The following IQSEC3 variants were observed in gnomAD, a reference collection of about 807,000 sequenced individuals.
IQSEC3 encodes the protein IQ motif and Sec7 domain ArfGEF 3, also known as IQ motif and SEC7 domain-containing protein 3.
IQSEC3 carries 50 observed loss-of-function variants against 105.4 expected under a neutral mutation model. The ratio of observed to expected loss-of-function variants is 0.47; its 90% CI spans 0.38 to 0.60. The LOEUF is 0.60. Among genes scored for constraint, IQSEC3 ranks in the 20% least tolerant of loss-of-function variants. The pLI is 0.00. For missense variants in IQSEC3, 1,415 were observed against 1,630.0 expected (o/e 0.87, Z 2.27); for synonymous variants, 708 against 746.0 (o/e 0.95, Z 0.83).
At chr12:70,442 C>T (rs1208246754) in intron 1 of IQSEC3, among the ~76,000 whole-genome samples, 3 of 152,256 alleles carry the variant, frequency 2.0e-5, no homozygotes, top group Admixed American at 1.3e-4. Flanking sequence ...GGAAGAAAAA[C>T]ATTTGAAGGG....
At chr12:124,389 C>CAAAAAA (rs55767927) in intron 2 of IQSEC3, among the ~76,000 whole-genome samples, 1 of 124,928 alleles carries the variant, frequency 8.0e-6, no homozygotes, top group Admixed American at 8.3e-5. Flanking sequence ...AACTCCATCT[C>CAAAAAA]AAAAAAAAAA....
chr12:138,550 C>G lies in IQSEC3; in HGVS notation c.1187C>G (p.Thr396Ser), dbSNP rs1290137028. ...SLPPTFAGTL[T>S]ELEDSFTEQV... ...CCGCCCACCTTCGCAGGCACCCTCA[C>G]CGAGCTGGAGGACTCCTTCACCGAG... The change falls in exon 4 of 14, where the codon ACC becomes AGC. Residue 396 changes from threonine (T) to serine (S), a missense_variant. Physicochemically the swap from Thr to Ser is moderately conservative, Grantham distance 58 (BLOSUM62 1). This residue lies in a region of IQSEC3 where 720 missense variants were observed against 633.0 expected (regional missense o/e 1.14). Transcript: ENST00000538872. This position sits in a 1 kb window ranked among gnomAD's most constrained non-coding sequence, Gnocchi z 7.1. 7.0e-6 allele frequency: 11 copies of G among 1,581,554 alleles called. No individual in the cohort carries two copies. The highest frequency in any genetic ancestry group is 9.4e-6 in the Non-Finnish European group (11 of 1,171,126).
intron 13 of IQSEC3, among the ~76,000 whole-genome samples, chr12:172,466 A>G (rs1209129068): frequency 1.3e-5 from 2 of 151,978 alleles, no homozygotes; most frequent in Non-Finnish European, 2.9e-5. Flanking sequence ...GAGGACAACC[A>G]ACCCCACGCA....
intron 1 of IQSEC3, among the ~76,000 whole-genome samples, chr12:78,558 TTA>T (rs1300485023): frequency 6.6e-6 from 1 of 151,960 alleles, no homozygotes; most frequent in African/African-American, 2.4e-5. Context: ...CTTCTCATGT[TTA>T]TGTTTGTGTT....
rs782065202 is a variant in IQSEC3 at position 138,696 on chromosome 12, G to A, written c.1333G>A (p.Gly445Arg). ...QLHQALQAAAGPPGLEAEGRA... is the reference protein window; with the variant it reads ...QLHQALQAAARPPGLEAEGRA... ...CCACCAGGCCCTGCAGGCGGCCGCG[G>A]GGCCCCCAGGCCTGGAGGCCGAGGG... Residue 445 changes from glycine to arginine, a missense_variant, in exon 4 of 14, where the codon GGG becomes AGG. Gly to Arg is a moderately radical substitution (Grantham distance 125). Around this residue, in one of 6 missense-constraint regions of IQSEC3, gnomAD observed 720 missense variants for 633.0 expected, o/e 1.14. Transcript: ENST00000538872. This position sits in a 1 kb window ranked among gnomAD's most constrained non-coding sequence, Gnocchi z 7.1. 5 of 1,531,808 alleles carry A rather than the reference G, an allele frequency of 3.3e-6. No individual in the cohort carries two copies. In the South Asian group the frequency reaches 3.6e-5, roughly 11 times the overall value. 94.9% of individuals were successfully genotyped at this position (1,531,808 alleles called of 1,614,324 possible).
chr12:163,456 C>T, intron 8 of IQSEC3, 38 bp from the exon 9 acceptor site: 1 of 1,570,830 alleles, frequency 6.4e-7, no homozygotes, highest in Non-Finnish European at 8.6e-7. Context: ...GCCTCCAGGC[C>T]TCTGGTCTCT....
chr12:141,177 C>T lies in IQSEC3; in HGVS notation c.2045C>T (p.Thr682Ile). ...FLISRGFIPD[T>I]PIGVAHFLLQ... Reference sequence around the variant, plus strand: ...ATCTCACGCGGCTTCATCCCGGACACCCCCATCGGTGTGGCCCATTTCCTC... The same window carrying T: ...ATCTCACGCGGCTTCATCCCGGACATCCCCATCGGTGTGGCCCATTTCCTC... The change falls in exon 5 of 14, where the codon ACC becomes ATC. Residue 682 changes from threonine to isoleucine, a missense_variant. Around this residue, in one of 6 missense-constraint regions of IQSEC3, gnomAD observed 213 missense variants for 306.2 expected, o/e 0.70. Coordinates refer to ENST00000538872, the MANE Select transcript of IQSEC3 (RefSeq NM_001170738.2). 6.2e-7 allele frequency: 1 copy of T among 1,613,618 alleles called. No individual in the cohort carries two copies. The highest frequency in any genetic ancestry group is 8.5e-7 in the Non-Finnish European group (1 of 1,179,894).
At chr12:103,922 T>A in intron 2 of IQSEC3, among the ~76,000 whole-genome samples, 1 of 28,722 alleles carries the variant, frequency 3.5e-5, no homozygotes, top group South Asian at 1.1e-3. Context: ...GGGGAAGTGC[T>A]AGGCAGGAAA....
chr12:165,483 G>A lies in IQSEC3; in HGVS notation c.2759G>A (p.Cys920Tyr), dbSNP rs1555098004. The A allele has an allele frequency of 6.2e-7, 1 of 1,614,176 alleles. No homozygotes were observed. The highest frequency in any genetic ancestry group is 8.5e-7 in the Non-Finnish European group (1 of 1,180,024). The change falls in exon 10 of 14, where the codon TGC (cysteine) becomes TAC (tyrosine). Residue 920 changes from cysteine to tyrosine, a missense_variant. Cys to Tyr is a radical substitution (Grantham distance 194). Coordinates refer to ENST00000538872, the MANE Select transcript of IQSEC3 (RefSeq NM_001170738.2). Reference protein sequence around the residue: ...KKKSSSTYTFCKSVGLLGMQF... With the variant: ...KKKSSSTYTFYKSVGLLGMQF... ...AAGAGCTCCTCCACGTACACCTTTT[G>A]CAAGTCAGTTGGCCTGCTGGGCATG... is the stretch of plus-strand genomic sequence containing the variant.
At chr12:101,568 C>G (rs1864423349) in intron 2 of IQSEC3, among the ~76,000 whole-genome samples, 1 of 152,082 alleles carries the variant, frequency 6.6e-6, no homozygotes, top group Admixed American at 6.5e-5. Flanking sequence ...CTTACGGGGG[C>G]CCTCCCCCTG....
chr12:118,476 G>GC (rs1280507883), intron 2 of IQSEC3, among the ~76,000 whole-genome samples: 3 of 152,118 alleles, frequency 2.0e-5, no homozygotes, highest in African/African-American at 7.2e-5. Flanking sequence ...ATGCTTCATA[G>GC]CTTTGTCCCA....
intron 9 of IQSEC3, among the ~76,000 whole-genome samples, chr12:164,140 G>A (rs1867058697): frequency 6.6e-6 from 1 of 152,178 alleles, no homozygotes; most frequent in African/African-American, 2.4e-5. Context: ...CATGTGCCAG[G>A]CATCATTGTA....
intron 3 of IQSEC3, among the ~76,000 whole-genome samples, chr12:133,314 C>T (rs973292349): frequency 3.9e-5 from 6 of 152,200 alleles, no homozygotes; most frequent in African/African-American, 1.4e-4. Flanking sequence ...GGCAGTGGCA[C>T]CCATGTGACT....
At chr12:155,990 C>G (rs1007698164) in intron 5 of IQSEC3, among the ~76,000 whole-genome samples, 2 of 152,218 alleles carry the variant, frequency 1.3e-5, no homozygotes, top group Admixed American at 1.3e-4. Context: ...CAGGCCTGGA[C>G]TCCTGCCTTG....
intron 3 of IQSEC3, among the ~76,000 whole-genome samples, chr12:137,891 T>G (rs782567648): frequency 1.4e-4 from 21 of 151,934 alleles, no homozygotes; most frequent in Admixed American, 3.9e-4. Flanking sequence ...CGCAAACTCC[T>G]GAGCTCAAGC....
At chr12:148,485 G>GT (rs1192136707) in intron 5 of IQSEC3, 2 of 152,180 alleles carry the variant, frequency 1.3e-5, no homozygotes, top group East Asian at 3.8e-4. Flanking sequence ...GAGTCTCAAG[G>GT]TGTGAGTGGC....
chr12:107,616 TAGCC>T (rs1380613060), intron 2 of IQSEC3, among the ~76,000 whole-genome samples: 1 of 151,928 alleles, frequency 6.6e-6, no homozygotes, highest in African/African-American at 2.4e-5. Flanking sequence ...TTCACTGTGT[TAGCC>T]AGGATGGTCT....
intron 3 of IQSEC3, among the ~76,000 whole-genome samples, chr12:133,459 A>G (rs1865661278): frequency 6.6e-6 from 1 of 152,178 alleles, no homozygotes; most frequent in African/African-American, 2.4e-5. Flanking sequence ...GAGGCTGAGG[A>G]GGCCCCTGGG....
chr12:142,999 T>C (rs1239940690), intron 5 of IQSEC3, among the ~76,000 whole-genome samples: 1 of 152,354 alleles, frequency 6.6e-6, no homozygotes, highest in East Asian at 1.9e-4. Context: ...TTCTTCTGTC[T>C]TTCCCAGTCT....
Sources: allele counts gnomAD v4.1 joint callset (sites outside exome capture counted in the v4.1 genomes callset), GRCh38; gene constraint gnomAD v4.1.1; regional missense constraint gnomAD v4.1.1; non-coding constraint Gnocchi (gnomAD v3.1); transcripts MANE v1.5; gene names NCBI Gene and HGNC (gene_info 2026-07-23, HGNC 2026-07-21).